Variants in PLEKHA7 observed in about 807,000 individuals in gnomAD.
The protein encoded by PLEKHA7 is pleckstrin homology domain-containing family A member 7.
A neutral mutation model predicts 170.0 loss-of-function variants in PLEKHA7; 104 were observed. The observed-to-expected ratio is 0.61, with a 90% CI of 0.52 to 0.72. PLEKHA7 has a LOEUF of 0.72. Ranked by LOEUF, PLEKHA7 falls within the 30% of genes least tolerant of loss-of-function variation. The pLI, the probability that PLEKHA7 is intolerant of heterozygous loss-of-function variation, is 0.00. For synonymous variants in PLEKHA7, 648 were observed against 660.8 expected (o/e 0.98, Z 0.30); for missense variants, 1,615 against 1,671.7 (o/e 0.97, Z 0.59).
chr11:17,009,157 C>T (rs12789447), intron 3 of PLEKHA7, among the ~76,000 whole-genome samples: 1 of 152,138 alleles, frequency 6.6e-6, no homozygotes, highest in Non-Finnish European at 1.5e-5. Flanking sequence ...GCTACCACTA[C>T]TACTGTGGCT....
At position 16,983,428 on chromosome 11, in the gene PLEKHA7, G is replaced by C. The variant is rs908424083; in HGVS notation, c.221+30561C>G. Among the ~76,000 whole-genome samples the C allele has an allele frequency of 3.7e-4, 57 of 152,300 alleles. 1 individual carries two copies. Among genetic ancestry groups the C allele is most frequent in the African/African-American group, 1.3e-3 (55 of 41,566 alleles). The stretch of plus-strand genomic sequence containing the variant: ...TTCCATAAAGGCCTGAGATTCCAGG[G>C]ATGGAGGTAGTGAGGAGGGATGCCC... On this transcript the variant is annotated intron_variant, in intron 3 of 26. Transcript: ENST00000531066.
intron 3 of PLEKHA7, among the ~76,000 whole-genome samples, chr11:16,901,160 T>C (rs1478860391): frequency 6.6e-6 from 1 of 152,208 alleles, no homozygotes; most frequent in Non-Finnish European, 1.5e-5. Context: ...ATGTTCTTTT[T>C]GTATGACCCA....
chr11:16,783,902 C>T, intron 24 of PLEKHA7, 69 bp from the exon 25 acceptor site: 1 of 1,305,078 alleles, frequency 7.7e-7, no homozygotes, highest in Non-Finnish European at 9.8e-7. Flanking sequence ...GCTTTCCCCA[C>T]CTCTGTCCCC....
intron 3 of PLEKHA7, among the ~76,000 whole-genome samples, chr11:16,887,856 T>A (rs1856261300): frequency 7.2e-6 from 1 of 139,100 alleles, no homozygotes; most frequent in African/African-American, 2.7e-5. Context: ...TGGCCGCCCA[T>A]CATCTGGGAT....
chr11:16,881,970 G>A (rs1855748165), intron 3 of PLEKHA7, among the ~76,000 whole-genome samples: 1 of 152,190 alleles, frequency 6.6e-6, no homozygotes, highest in African/African-American at 2.4e-5. Context: ...GAAGGGCAGA[G>A]GGGTTAAAAA....
rs370714 is a variant in PLEKHA7 at position 16,845,466 on chromosome 11, G to C, written c.697-3744C>G. Among the ~76,000 whole-genome samples, 10 of 152,052 alleles carry C rather than the reference G, an allele frequency of 6.6e-5. No homozygotes were observed. In the East Asian group the frequency reaches 1.9e-3, roughly 29 times the overall value. On this transcript the variant is annotated intron_variant, in intron 8 of 26. Coordinates refer to ENST00000531066, the MANE Select transcript of PLEKHA7 (RefSeq NM_001329630.2). Reference sequence around the variant, plus strand: ...ACTGCAACCTTCGCCTCCCTGGTTCGAGCAATCCTCCCACCCCAGCCTCCT... The same window carrying C: ...ACTGCAACCTTCGCCTCCCTGGTTCCAGCAATCCTCCCACCCCAGCCTCCT...
At chr11:16,783,864 G>C (rs1215410596) in intron 24 of PLEKHA7, 31 bp from the exon 25 acceptor site, 2 of 1,414,360 alleles carry the variant, frequency 1.4e-6, no homozygotes, top group Non-Finnish European at 1.8e-6. Flanking sequence ...GGCAGAGGGA[G>C]AGGCTCAGAT....
intron 3 of PLEKHA7, among the ~76,000 whole-genome samples, chr11:16,922,873 G>A (rs1381039132): frequency 6.6e-6 from 1 of 152,166 alleles, no homozygotes; most frequent in African/African-American, 2.4e-5. Context: ...AGCAAGGGGA[G>A]TCAGGCCCCA....
intron 3 of PLEKHA7, among the ~76,000 whole-genome samples, chr11:16,975,811 A>C (rs1354870528): frequency 6.6e-6 from 1 of 152,244 alleles, no homozygotes; most frequent in East Asian, 1.9e-4. Context: ...AACAGTGAAT[A>C]TAAGTAACTT....
intron 19 of PLEKHA7, among the ~76,000 whole-genome samples, chr11:16,792,954 CAAGT>C (rs892140523): frequency 2.6e-5 from 4 of 152,132 alleles, no homozygotes; most frequent in Non-Finnish European, 5.9e-5. Context: ...GTGTTAAAAA[CAAGT>C]AAGTAATAAA....
chr11:16,994,637 C>T (rs1864237198), intron 3 of PLEKHA7, among the ~76,000 whole-genome samples: 1 of 152,190 alleles, frequency 6.6e-6, no homozygotes. Flanking sequence ...GCCCATTCTG[C>T]AGGATCCTCT....
chr11:16,905,098 A>G (rs992413650), intron 3 of PLEKHA7, among the ~76,000 whole-genome samples: 1 of 152,088 alleles, frequency 6.6e-6, no homozygotes, highest in East Asian at 1.9e-4. Flanking sequence ...CCAAAAATAC[A>G]AAAATTAGCT....
intron 3 of PLEKHA7, among the ~76,000 whole-genome samples, chr11:16,887,541 G>A (rs554211342): frequency 4.4e-4 from 67 of 152,304 alleles, no homozygotes; most frequent in African/African-American, 1.4e-3. Context: ...TTGCAGGCGC[G>A]CACCACCACG....
chr11:16,915,187 C>T (rs1186928472), intron 3 of PLEKHA7, among the ~76,000 whole-genome samples: 1 of 152,194 alleles, frequency 6.6e-6, no homozygotes, highest in East Asian at 1.9e-4. Flanking sequence ...ACGTTGCCTT[C>T]AGGCAACATT....
intron 3 of PLEKHA7, among the ~76,000 whole-genome samples, chr11:16,917,989 C>T (rs1590611659): frequency 6.6e-6 from 1 of 152,190 alleles, no homozygotes; most frequent in Non-Finnish European, 1.5e-5. Context: ...TCTCTATAAC[C>T]TACAGCTCCA....
At chr11:16,811,368 C>T (rs751532123) in intron 13 of PLEKHA7, among the ~76,000 whole-genome samples, 2 of 152,220 alleles carry the variant, frequency 1.3e-5, no homozygotes, top group African/African-American at 2.4e-5. Flanking sequence ...GGATGCTCTA[C>T]AGGTATGTCT....
At chr11:16,827,784 G>A (rs1293757305) in intron 9 of PLEKHA7, among the ~76,000 whole-genome samples, 1 of 145,394 alleles carries the variant, frequency 6.9e-6, no homozygotes, top group Non-Finnish European at 1.5e-5. Context: ...AAATAACAAA[G>A]ACGTTTACTT....
chr11:16,982,296 G>C (rs1280267209), intron 3 of PLEKHA7, among the ~76,000 whole-genome samples: 1 of 152,230 alleles, frequency 6.6e-6, no homozygotes, highest in African/African-American at 2.4e-5. Flanking sequence ...AACCTTGCAG[G>C]GCAGAGACAG....
chr11:16,862,297 T>C (rs531795246), intron 4 of PLEKHA7, among the ~76,000 whole-genome samples: 2 of 152,288 alleles, frequency 1.3e-5, no homozygotes, highest in South Asian at 2.1e-4. Flanking sequence ...CACCTCCCCA[T>C]GCCTGTTCCC....
Sources: allele counts gnomAD v4.1 joint callset (sites outside exome capture counted in the v4.1 genomes callset), GRCh38; gene constraint gnomAD v4.1.1; transcripts MANE v1.5; gene names NCBI Gene and HGNC (gene_info 2026-07-23, HGNC 2026-07-21).